The following SDK1 variants were observed in gnomAD, a reference collection of about 807,000 sequenced individuals.
The protein encoded by SDK1 is sidekick cell adhesion molecule 1.
In SDK1, 157 loss-of-function variants were observed where a neutral mutation model predicts 245.5. The observed-to-expected ratio is 0.64, with a 90% confidence interval of 0.56 to 0.73. SDK1 has a LOEUF of 0.73. Ranked by LOEUF, SDK1 falls within the 30% of genes least tolerant of loss-of-function variation. The probability of loss-of-function intolerance (pLI) is 0.00; values close to 1 mark genes in which losing one functional copy is unlikely to be tolerated. For synonymous variants in SDK1, 1,647 were observed against 1,278.5 expected, an observed-to-expected ratio of 1.29 and a Z score of -6.15; for missense variants, 3,583 against 3,002.3, an observed-to-expected ratio of 1.19 and a Z score of -4.52.
intron 5 of SDK1, among the ~76,000 whole-genome samples, chr7:3,836,036 G>A (rs1167781606): frequency 6.6e-6 from 1 of 152,192 alleles, no homozygotes; most frequent in Non-Finnish European, 1.5e-5. Flanking sequence ...GAGAAAATAT[G>A]GGAGATTTCT....
intron 1 of SDK1, among the ~76,000 whole-genome samples, chr7:3,559,757 C>CA (rs11424233): frequency 0.089 from 11,386 of 127,350 alleles, 1,063 homozygotes; most frequent in African/African-American, 0.25. Flanking sequence ...TGTATTTTTT[C>CA]AAAAAAAAAA....
intron 1 of SDK1, among the ~76,000 whole-genome samples, chr7:3,474,669 C>G (rs906293715): frequency 1.3e-5 from 2 of 152,072 alleles, no homozygotes; most frequent in African/African-American, 2.4e-5. Flanking sequence ...CAAATTATTG[C>G]CATCTCGCAC....
rs1779259575 is a variant in SDK1 at position 3,301,613 on chromosome 7, G to A, written c.27G>A (p.Ala9=). The part of the protein sequence containing the change: MARGARPS[A]AGGGGGGAEP... ...TGGCCCGGGGCGCCCGGCCCTCGGC[G>A]GCCGGTGGCGGCGGCGGCGGCGCGG... Residue 9 remains alanine (A), a synonymous_variant, in exon 1 of 45, where the codon GCG becomes GCA. Coordinates refer to ENST00000404826, the MANE Select transcript of SDK1 (RefSeq NM_152744.4). 1.0e-6 allele frequency: 1 copy of A among 976,892 alleles called. No homozygotes were observed. The highest frequency in any genetic ancestry group is 1.8e-5 in the African/African-American group (1 of 56,122). The allele number at this position is 976,892 out of a possible 1,614,324, so 60.5% of individuals were successfully genotyped here. A position where few individuals can be genotyped will look rare whatever the true frequency, so the allele number is the denominator to read the frequency against.
At position 4,065,694 on chromosome 7, in the gene SDK1, G is replaced by GTTTTTTTTTTTTTTTTT. The variant is rs749991713; in HGVS notation, c.2912-2125_2912-2109dup. Among the ~76,000 whole-genome samples the GTTTTTTTTTTTTTTTTT allele has an allele frequency of 3.0e-5, 2 of 66,758 alleles. 1 individual carries two copies. The highest frequency in any genetic ancestry group is 7.4e-5 in the Non-Finnish European group (2 of 27,168). The allele number at this position is 66,758 out of a possible 152,430, so 43.8% of individuals were successfully genotyped here. On this transcript the variant is annotated intron_variant, in intron 19 of 44. Transcript: ENST00000404826. ...AGTTTCACCCAGATGAGTGGTTGTT[G>GTTTTTTTTTTTTTTTTT]TTTTTTTTTTTTTTTTTTTTTTTTT...
At chr7:3,640,181 A>G (rs773835872) in intron 3 of SDK1, among the ~76,000 whole-genome samples, 1 of 152,210 alleles carries the variant, frequency 6.6e-6, no homozygotes, top group Non-Finnish European at 1.5e-5. Context: ...ATGTATTACC[A>G]AAATTTCTCT....
intron 4 of SDK1, among the ~76,000 whole-genome samples, chr7:3,672,297 G>A (rs1480387204): frequency 6.6e-6 from 1 of 151,950 alleles, no homozygotes; most frequent in African/African-American, 2.4e-5. Context: ...CCCATCACAC[G>A]TTATTCTATC....
At chr7:3,461,751 C>A (rs562583375) in intron 1 of SDK1, among the ~76,000 whole-genome samples, 2 of 152,262 alleles carry the variant, frequency 1.3e-5, no homozygotes, top group East Asian at 3.9e-4. Flanking sequence ...ACCTCAATAT[C>A]CAACTTACAG....
intron 2 of SDK1, among the ~76,000 whole-genome samples, chr7:3,623,294 C>G (rs999191928): frequency 2.8e-5 from 4 of 140,460 alleles, no homozygotes; most frequent in Non-Finnish European, 6.0e-5. Flanking sequence ...GTTGCCCAGG[C>G]TGATGTGCAG....
chr7:3,312,470 G>T (rs1779572782), intron 1 of SDK1, among the ~76,000 whole-genome samples: 2 of 151,766 alleles, frequency 1.3e-5, no homozygotes. Flanking sequence ...GAGATGAAAG[G>T]GGTAAGATCA....
intron 4 of SDK1, among the ~76,000 whole-genome samples, chr7:3,755,265 C>T (rs1263701725): frequency 2.6e-5 from 4 of 152,090 alleles, no homozygotes; most frequent in Admixed American, 1.3e-4. Flanking sequence ...TTGGCTTCCT[C>T]TGATTGGCCT....
intron 5 of SDK1, among the ~76,000 whole-genome samples, chr7:3,856,065 T>G (rs1353863519): frequency 1.3e-5 from 2 of 152,194 alleles, no homozygotes; most frequent in Non-Finnish European, 2.9e-5. Flanking sequence ...CCAAGAGTTA[T>G]CAACCAGAGA....
At chr7:3,915,069 C>G (rs180963884) in intron 5 of SDK1, among the ~76,000 whole-genome samples, 3 of 152,144 alleles carry the variant, frequency 2.0e-5, no homozygotes, top group Admixed American at 2.0e-4. Context: ...TTCTCTTGTA[C>G]GGCCGTGGAA....
chr7:3,312,784 C>T (rs1219788258), intron 1 of SDK1, among the ~76,000 whole-genome samples: 1 of 151,914 alleles, frequency 6.6e-6, no homozygotes, highest in East Asian at 1.9e-4. Flanking sequence ...CTGTGAGCTT[C>T]CAGAAAGAGG....
At chr7:3,356,840 G>A (rs967886425) in intron 1 of SDK1, among the ~76,000 whole-genome samples, 29 of 151,938 alleles carry the variant, frequency 1.9e-4, no homozygotes, top group African/African-American at 6.8e-4. Flanking sequence ...AGTGGATCAC[G>A]AGGTCAGGAG....
At chr7:3,538,729 A>G (rs1371127048) in intron 1 of SDK1, among the ~76,000 whole-genome samples, 1 of 152,164 alleles carries the variant, frequency 6.6e-6, no homozygotes, top group Non-Finnish European at 1.5e-5. Flanking sequence ...TATACTCTCT[A>G]TGCAAACCCC....
chr7:3,641,994 C>G lies in SDK1; in HGVS notation c.602C>G (p.Thr201Arg). 1 of 1,613,934 alleles carries G rather than the reference C, an allele frequency of 6.2e-7. No homozygotes were observed. Among genetic ancestry groups the G allele is most frequent in the South Asian group, 1.1e-5 (1 of 91,054 alleles). ...TTCATGGATACGGACCAGAGGAAAA[C>G]AGTTTCTCAAGGACGTGCAGCGATT... ...GSFMDTDQRK[T>R]VSQGRAAILN... is the part of the protein sequence containing the mutation. The change falls in exon 4 of 45, where the codon ACA becomes AGA. Residue 201 changes from threonine to arginine, a missense_variant. By Grantham distance (71) the Thr-to-Arg change is moderately conservative. Transcript: ENST00000404826.
At chr7:3,934,072 G>A (rs1417377381) in intron 5 of SDK1, among the ~76,000 whole-genome samples, 5 of 152,210 alleles carry the variant, frequency 3.3e-5, no homozygotes, top group Non-Finnish European at 7.3e-5. Context: ...TTTGTAACTA[G>A]ACGGTGAATT....
Position 3,977,664 on chromosome 7 carries a change from T to C in SDK1, c.1994+3119T>C, listed in dbSNP as rs532688838. ...GCGGTTCAGTTACCAGGATGCTGCC[T>C]GCAGTTCTTCCCTGCGCGCAGCTGA... On this transcript the variant is annotated intron_variant, in intron 13 of 44. Transcript: ENST00000404826. 4.6e-5 allele frequency among the ~76,000 whole-genome samples: 7 copies of C among 152,358 alleles called. No homozygotes were observed. The East Asian group carries it at 1.4e-3, about 29-fold the overall frequency.
At chr7:3,543,405 C>T (rs1240577594) in intron 1 of SDK1, among the ~76,000 whole-genome samples, 1 of 152,240 alleles carries the variant, frequency 6.6e-6, no homozygotes, top group Non-Finnish European at 1.5e-5. Flanking sequence ...GGGAGCCATT[C>T]TTACTAAAGA....
Sources: gnomAD v4.1 joint callset for allele counts (sites outside exome capture counted in the v4.1 genomes callset) on GRCh38, gnomAD v4.1.1 for gene constraint, MANE v1.5 for transcripts, NCBI Gene and HGNC (gene_info 2026-07-23, HGNC 2026-07-21) for gene names.